NKAIN2: variants seen among roughly 807,000 people sequenced by gnomAD.
NKAIN2 encodes sodium/potassium-transporting ATPase subunit beta-1-interacting protein 2.
A neutral mutation model predicts 32.6 loss-of-function variants in NKAIN2; 14 were observed. The observed-to-expected ratio is 0.43, with a 90% CI of 0.28 to 0.67. NKAIN2 has a LOEUF of 0.67. NKAIN2 is among the 30% of genes least tolerant of loss of function. The probability of loss-of-function intolerance (pLI) is 0.17; values close to 1 mark genes in which losing one functional copy is unlikely to be tolerated. For synonymous variants in NKAIN2, 80 were observed against 87.2 expected (o/e 0.92, Z 0.46); for missense variants, 198 against 258.3 (o/e 0.77, Z 1.60).
intron 3 of NKAIN2, among the ~76,000 whole-genome samples, chr6:124,486,274 CA>C (rs1292173671): frequency 6.6e-6 from 1 of 152,080 alleles, no homozygotes; most frequent in African/African-American, 2.4e-5. Flanking sequence ...CAGAAGAACC[CA>C]TTTATTAAAT....
At chr6:124,717,302 C>T (rs978789293) in intron 4 of NKAIN2, among the ~76,000 whole-genome samples, 1 of 151,942 alleles carries the variant, frequency 6.6e-6, no homozygotes, top group Non-Finnish European at 1.5e-5. Flanking sequence ...TAACATTTTC[C>T]CACTGTCTAA....
intron 3 of NKAIN2, among the ~76,000 whole-genome samples, chr6:124,469,308 GATAAA>G (rs1292034321): frequency 2.0e-5 from 3 of 152,070 alleles, no homozygotes. Context: ...TAGAGCAAAC[GATAAA>G]ATAAGATAAA....
chr6:124,168,611 T>G (rs1301062637), intron 1 of NKAIN2, among the ~76,000 whole-genome samples: 2 of 151,978 alleles, frequency 1.3e-5, no homozygotes, highest in African/African-American at 4.8e-5. Context: ...CATAAAACAT[T>G]CTTTGAGTAA....
intron 3 of NKAIN2, among the ~76,000 whole-genome samples, chr6:124,506,784 T>G (rs778629233): frequency 6.6e-6 from 1 of 152,202 alleles, no homozygotes; most frequent in Admixed American, 6.5e-5. Flanking sequence ...CTTATGAACA[T>G]GGCTAAAGAC....
intron 1 of NKAIN2, among the ~76,000 whole-genome samples, chr6:124,048,796 C>T (rs908570515): frequency 1.6e-4 from 25 of 152,050 alleles, no homozygotes; most frequent in African/African-American, 4.6e-4. Flanking sequence ...GCAATATTTT[C>T]GGGAGATGCA....
intron 1 of NKAIN2, among the ~76,000 whole-genome samples, chr6:124,006,653 T>G (rs1351576857): frequency 6.6e-6 from 1 of 152,180 alleles, no homozygotes; most frequent in Non-Finnish European, 1.5e-5. Flanking sequence ...CTTCTAGTGC[T>G]CTTGTCTACT....
chr6:124,295,031 T>C (rs1795988916), intron 2 of NKAIN2, among the ~76,000 whole-genome samples: 2 of 152,184 alleles, frequency 1.3e-5, no homozygotes, highest in Non-Finnish European at 2.9e-5. Flanking sequence ...AAATTTAATA[T>C]GTGTGTACAC....
chr6:124,264,434 T>A (rs1794393041), intron 1 of NKAIN2, among the ~76,000 whole-genome samples: 1 of 152,226 alleles, frequency 6.6e-6, no homozygotes, highest in Admixed American at 6.5e-5. Context: ...TATTTTTTTC[T>A]TTATACAGTT....
At chr6:123,844,413 C>T (rs1775007973) in intron 1 of NKAIN2, among the ~76,000 whole-genome samples, 1 of 152,188 alleles carries the variant, frequency 6.6e-6, no homozygotes, top group Non-Finnish European at 1.5e-5. Flanking sequence ...TTATTTCCTT[C>T]TGCTCCCTGC....
intron 3 of NKAIN2, among the ~76,000 whole-genome samples, chr6:124,381,190 G>A (rs1165514381): frequency 6.6e-6 from 1 of 152,102 alleles, no homozygotes; most frequent in Non-Finnish European, 1.5e-5. Context: ...GTAAAGCAGT[G>A]TCACTCTTCT....
At chr6:123,937,520 C>A (rs192948306) in intron 1 of NKAIN2, among the ~76,000 whole-genome samples, 2 of 152,040 alleles carry the variant, frequency 1.3e-5, no homozygotes, top group African/African-American at 4.8e-5. Flanking sequence ...TGTACGACTG[C>A]GTGTGAAAAG....
intron 3 of NKAIN2, among the ~76,000 whole-genome samples, chr6:124,502,782 G>A (rs1689600791): frequency 6.6e-6 from 1 of 152,026 alleles, no homozygotes; most frequent in South Asian, 2.1e-4. Flanking sequence ...CTTTAGGCTT[G>A]TGTGTACTGG....
chr6:124,516,561 T>A (rs1345925235), intron 3 of NKAIN2, among the ~76,000 whole-genome samples: 2 of 152,178 alleles, frequency 1.3e-5, no homozygotes, highest in Non-Finnish European at 2.9e-5. Flanking sequence ...CATGTGATTA[T>A]TGTTATGTTA....
At chr6:124,294,245 C>T (rs1795952085) in intron 2 of NKAIN2, among the ~76,000 whole-genome samples, 1 of 151,926 alleles carries the variant, frequency 6.6e-6, no homozygotes, top group Non-Finnish European at 1.5e-5. Context: ...TAACAATCTG[C>T]TCTAGTAGTA....
chr6:124,347,363 T>G (rs1798480190), intron 2 of NKAIN2, among the ~76,000 whole-genome samples: 1 of 152,034 alleles, frequency 6.6e-6, no homozygotes, highest in Admixed American at 6.6e-5. Context: ...CTGTATTTCC[T>G]GAATCTGAAT....
At chr6:124,797,070 T>C (rs1056815043) in intron 5 of NKAIN2, among the ~76,000 whole-genome samples, 2 of 149,830 alleles carry the variant, frequency 1.3e-5, no homozygotes, top group African/African-American at 2.5e-5. Context: ...CTCACAGTGA[T>C]AGAATCAGGA....
chr6:124,393,165 G>T (rs778667160), intron 3 of NKAIN2, among the ~76,000 whole-genome samples: 1 of 152,064 alleles, frequency 6.6e-6, no homozygotes, highest in Non-Finnish European at 1.5e-5. Flanking sequence ...AGGAAATCCA[G>T]GTTTAGTCTG....
chr6:124,459,237 A>G (rs954697435), intron 3 of NKAIN2, among the ~76,000 whole-genome samples: 5 of 151,910 alleles, frequency 3.3e-5, no homozygotes, highest in African/African-American at 4.8e-5. Context: ...ATAAAGTCCT[A>G]TGTTGGCAAT....
chr6:123,989,432 T>C (rs144820651), intron 1 of NKAIN2, among the ~76,000 whole-genome samples: 307 of 152,342 alleles, frequency 2.0e-3, no homozygotes, highest in Middle Eastern at 6.8e-3. Flanking sequence ...TATTTATTTG[T>C]GTGAACAAAG....
Sources: allele counts gnomAD v4.1 joint callset (sites outside exome capture counted in the v4.1 genomes callset), GRCh38; gene constraint gnomAD v4.1.1; transcripts MANE v1.5; gene names NCBI Gene and HGNC (gene_info 2026-07-23, HGNC 2026-07-21).